CCL19: variants seen among roughly 807,000 people sequenced by gnomAD.
CCL19 encodes C-C motif chemokine 19.
A neutral mutation model predicts 9.7 loss-of-function variants in CCL19; 5 were observed. That is an observed-to-expected ratio of 0.51 (90% CI 0.27 to 1.08). The LOEUF (loss-of-function observed/expected upper bound fraction) is 1.08, where lower values mean the gene tolerates loss of function less well. Among genes scored for constraint, CCL19 ranks in the 50% least tolerant of loss-of-function variants. CCL19 has a pLI of 0.12. For missense variants in CCL19, 90 were observed against 122.5 expected, an observed-to-expected ratio of 0.73 and a Z score of 1.25; for synonymous variants, 40 against 47.4, an observed-to-expected ratio of 0.84 and a Z score of 0.64.
intron 1 of CCL19, among the ~76,000 whole-genome samples, 177 bp downstream of exon 1, chr9:34,690,914 A>G (rs1159531255): frequency 6.6e-6 from 1 of 152,154 alleles, no homozygotes; most frequent in Admixed American, 6.5e-5. Context: ...GCACAGGGAC[A>G]CCCACACTTA....
At position 34,690,322 on chromosome 9, in the gene CCL19, T is replaced by G; in HGVS notation, c.70A>C (p.Asn24His). Residue 24 changes from asparagine to histidine, a missense_variant, in exon 2 of 4, where the codon AAT (asparagine) becomes CAT (histidine). By Grantham distance (68) the Asn-to-His change is moderately conservative. Transcript: ENST00000311925. ...GACAGGCAGCAGTCTTCAGCATCATTGGTGCCACTCAGAGTTGGGGCTGGG... is the reference window on the plus strand; with the variant it reads ...GACAGGCAGCAGTCTTCAGCATCATGGGTGCCACTCAGAGTTGGGGCTGGG... The part of the protein sequence containing the change: ...TSPAPTLSGT[N>H]DAEDCCLSVT... 1 of 1,613,846 alleles carries G rather than the reference T, an allele frequency of 6.2e-7. No homozygotes were observed.
rs1564113010 is a variant in CCL19 at position 34,690,423 on chromosome 9, C to CGTGT, written c.50-82_50-81insACAC. ...ATGGCCCTAGCTCGGATTGAGGACA[C>CGTGT]CTGTGTGTGTGTGTGTGTGTGTGTG... is the stretch of plus-strand genomic sequence containing the variant. On this transcript the variant is annotated intron_variant, in intron 1 of 3. Coordinates refer to ENST00000311925, the MANE Select transcript of CCL19 (RefSeq NM_006274.3). 6.6e-6 allele frequency: 6 copies of CGTGT among 913,256 alleles called. No individual in the cohort carries two copies. The East Asian group carries it at 9.9e-5, about 15-fold the overall frequency. The allele number at this position is 913,256 out of a possible 1,614,324, so 56.6% of individuals were successfully genotyped here. A position where few individuals can be genotyped will look rare whatever the true frequency, so the allele number is the denominator to read the frequency against.
rs139388033 is a variant in CCL19 at position 34,689,980 on chromosome 9, G to C, written c.226C>G (p.Gln76Glu). The part of the protein sequence containing the change: ...RGRQLCAPPD[Q>E]PWVERIIQRL... ...TGGATGATGCGTTCTACCCAGGGCT[G>C]GTCTGGGGGTGCACAGAGCTGGCGG... The change falls in exon 3 of 4, where the codon CAG (glutamine) becomes GAG (glutamate). Residue 76 changes from glutamine (Q) to glutamate (E), a missense_variant. Gln to Glu is a conservative substitution (Grantham distance 29). Coordinates refer to ENST00000311925, the MANE Select transcript of CCL19 (RefSeq NM_006274.3). This position sits in a 1 kb window ranked among gnomAD's most constrained non-coding sequence, Gnocchi z 4.1. The C allele has an allele frequency of 4.3e-6, 7 of 1,614,144 alleles. No homozygotes were observed. The highest frequency in any genetic ancestry group is 5.9e-6 in the Non-Finnish European group (7 of 1,180,032).
At position 34,691,040 on chromosome 9, in the gene CCL19, C is replaced by T. The variant is rs376901219; in HGVS notation, c.49+51G>A. On this transcript the variant is annotated intron_variant, in intron 1 of 3. Coordinates refer to ENST00000311925, the MANE Select transcript of CCL19 (RefSeq NM_006274.3). The stretch of plus-strand genomic sequence containing the variant: ...AAGCAATCTGAGATCTAGACATTAC[C>T]CACTGCCAGCCCCCCACTGCCTCTG... 31 of 1,484,944 alleles carry T rather than the reference C, an allele frequency of 2.1e-5. No individual in the cohort carries two copies. The African/African-American group carries it at 3.5e-4, about 17-fold the overall frequency. The allele number at this position is 1,484,944 out of a possible 1,614,324, so 92.0% of individuals were successfully genotyped here.
At position 34,691,099 on chromosome 9, in the gene CCL19, G is replaced by A; in HGVS notation, c.41C>T (p.Thr14Ile). ...LLALSLLVLW[T>I]SPAPTLSGTN... ...TCTCCCTTCAGCCTTACCTGGGGAA[G>A]TCCAGAGAACCAGCAGGCTGAGGGC... The change falls in exon 1 of 4, where the codon ACT (threonine) becomes ATT (isoleucine). Residue 14 changes from threonine to isoleucine, a missense_variant. Physicochemically the swap from Thr to Ile is moderately conservative, Grantham distance 89. Coordinates refer to ENST00000311925, the MANE Select transcript of CCL19 (RefSeq NM_006274.3). The A allele has an allele frequency of 5.6e-6, 9 of 1,611,048 alleles. No individual in the cohort carries two copies. The highest frequency in any genetic ancestry group is 1.3e-5 in the African/African-American group (1 of 75,018).
Position 34,690,323 on chromosome 9 carries a change from G to A in CCL19, c.69C>T (p.Thr23=). The change falls in exon 2 of 4, where the codon ACC becomes ACT. Residue 23 remains threonine (T), a synonymous_variant. Transcript: ENST00000311925. ...WTSPAPTLSG[T]NDAEDCCLSV... is the part of the protein sequence containing the mutation. ...ACAGGCAGCAGTCTTCAGCATCATT[G>A]GTGCCACTCAGAGTTGGGGCTGGGA... is the stretch of plus-strand genomic sequence containing the variant. The A allele has an allele frequency of 6.2e-7, 1 of 1,613,946 alleles. No homozygotes were observed. Among genetic ancestry groups the A allele is most frequent in the Non-Finnish European group, 8.5e-7 (1 of 1,179,950 alleles).
In CCL19 at chr9:34,689,989, G is replaced by T. The variant is rs775171167; in HGVS notation, c.217C>A (p.Pro73Thr). 5 of 1,614,056 alleles carry T rather than the reference G, an allele frequency of 3.1e-6. No individual in the cohort carries two copies. The highest frequency in any genetic ancestry group is 2.2e-5 in the East Asian group (1 of 44,894). The change falls in exon 3 of 4, where the codon CCC becomes ACC. Residue 73 changes from proline (P) to threonine (T), a missense_variant. Transcript: ENST00000311925. The surrounding 1 kb of genome is among the most constrained non-coding windows in gnomAD (Gnocchi z 4.1). ...CGTTCTACCCAGGGCTGGTCTGGGG[G>T]TGCACAGAGCTGGCGGCCCCTCAGT... Reference protein sequence around the residue: ...TTLRGRQLCAPPDQPWVERII... With the variant: ...TTLRGRQLCATPDQPWVERII...
chr9:34,690,494 A>T, intron 1 of CCL19, 152 bp from the exon 2 acceptor site: 3 of 715,386 alleles, frequency 4.2e-6, no homozygotes, highest in Non-Finnish European at 7.0e-6. Context: ...GAGGAGTTAG[A>T]CCTGGTATTC....
At chr9:34,690,769 C>T (rs1166086704) in intron 1 of CCL19, among the ~76,000 whole-genome samples, 2 of 152,044 alleles carry the variant, frequency 1.3e-5, no homozygotes, top group Non-Finnish European at 2.9e-5. Flanking sequence ...GGCTTAGTGT[C>T]TGCCATTCTC....
chr9:34,690,587 C>G (rs1440471803), intron 1 of CCL19, among the ~76,000 whole-genome samples: 1 of 152,036 alleles, frequency 6.6e-6, no homozygotes, highest in African/African-American at 2.4e-5. Flanking sequence ...TAAATAACCA[C>G]TGCCCTGAGC....
rs1048945750 is a variant in CCL19, at chr9:34,689,618, G to T, written c.*201C>A. 3.4e-6 allele frequency: 2 copies of T among 596,692 alleles called. No individual in the cohort carries two copies. Among genetic ancestry groups the T allele is most frequent in the Non-Finnish European group, 5.9e-6 (2 of 336,798 alleles). The allele number at this position is 596,692 out of a possible 1,614,324, so 37.0% of individuals were successfully genotyped here. On this transcript the variant is annotated 3_prime_UTR_variant, in exon 4 of 4. Coordinates refer to ENST00000311925, the MANE Select transcript of CCL19 (RefSeq NM_006274.3). The surrounding 1 kb of genome is among the most constrained non-coding windows in gnomAD (Gnocchi z 4.1). ...TTATTGGTAGCATTGCAATCTGGGG[G>T]TGGAGCAGCTTTACTCTGACCACAC...
rs780461062 is a variant in CCL19, at chr9:34,689,787, C to T, written c.*32G>A. 15 of 1,613,622 alleles carry T rather than the reference C, an allele frequency of 9.3e-6. No homozygotes were observed. The South Asian group carries it at 9.9e-5, about 11-fold the overall frequency. On this transcript the variant is annotated 3_prime_UTR_variant, in exon 4 of 4. Transcript: ENST00000311925. This position sits in a 1 kb window ranked among gnomAD's most constrained non-coding sequence, Gnocchi z 4.1. ...AGGTAATAATTCACAATGCTTGACT[C>T]GGACTCCGGGCTCCCTCTGCACGGT...
At position 34,690,273 on chromosome 9, in the gene CCL19, C is replaced by T; in HGVS notation, c.119G>A (p.Gly40Glu). The T allele has an allele frequency of 6.2e-7, 1 of 1,614,070 alleles. No homozygotes were observed. Among genetic ancestry groups the T allele is most frequent in the Non-Finnish European group, 8.5e-7 (1 of 1,179,996 alleles). The change falls in exon 2 of 4, where the codon GGG becomes GAG. Residue 40 changes from glycine (G) to glutamate (E), a missense_variant. Coordinates refer to ENST00000311925, the MANE Select transcript of CCL19 (RefSeq NM_006274.3). ...CLSVTQKPIP[G>E]YIVRNFHYLL... ...GTAGTGGAAGTTCCTCACGATGTACCCAGGGATGGGTTTCTGGGTCACAGA... is the reference window on the plus strand; with the variant it reads ...GTAGTGGAAGTTCCTCACGATGTACTCAGGGATGGGTTTCTGGGTCACAGA...
Position 34,689,995 on chromosome 9 carries a change from A to G in CCL19, c.211T>C (p.Cys71Arg), listed in dbSNP as rs763672966. ...VFTTLRGRQL[C>R]APPDQPWVER... Reference sequence around the variant, plus strand: ...ACCCAGGGCTGGTCTGGGGGTGCACAGAGCTGGCGGCCCCTCAGTGTGGTG... The same window carrying G: ...ACCCAGGGCTGGTCTGGGGGTGCACGGAGCTGGCGGCCCCTCAGTGTGGTG... Residue 71 changes from cysteine (C) to arginine (R), a missense_variant, in exon 3 of 4, where the codon TGT becomes CGT. Physicochemically the swap from Cys to Arg is radical, Grantham distance 180. Transcript: ENST00000311925. This position sits in a 1 kb window ranked among gnomAD's most constrained non-coding sequence, Gnocchi z 4.1. The G allele has an allele frequency of 6.2e-7, 1 of 1,614,122 alleles. No individual in the cohort carries two copies. Among genetic ancestry groups the G allele is most frequent in the South Asian group, 1.1e-5 (1 of 91,090 alleles).
chr9:34,689,576 G>T lies in CCL19; in HGVS notation c.*243C>A. 2 of 518,374 alleles carry T rather than the reference G, an allele frequency of 3.9e-6. No homozygotes were observed. Among genetic ancestry groups the T allele is most frequent in the Non-Finnish European group, 6.9e-6 (2 of 291,340 alleles). The allele number at this position is 518,374 out of a possible 1,614,324, so 32.1% of individuals were successfully genotyped here. A position where few individuals can be genotyped will look rare whatever the true frequency, so the allele number is the denominator to read the frequency against. On this transcript the variant is annotated 3_prime_UTR_variant, in exon 4 of 4. Coordinates refer to ENST00000311925, the MANE Select transcript of CCL19 (RefSeq NM_006274.3). This position sits in a 1 kb window ranked among gnomAD's most constrained non-coding sequence, Gnocchi z 4.1. The stretch of plus-strand genomic sequence containing the variant: ...TGTAACAGGTTGTGATCAATTAGTT[G>T]TAAACACCAGGCGGCTTTATTGGTA...
intron 2 of CCL19, 79 bp downstream of exon 2, chr9:34,690,131 G>A: frequency 6.3e-7 from 1 of 1,592,668 alleles, no homozygotes; most frequent in Admixed American, 1.7e-5. Flanking sequence ...GCTTGGCATG[G>A]AGAAGGGGAA....
In CCL19 at chr9:34,689,810, G is replaced by C; in HGVS notation, c.*9C>G. 6.2e-7 allele frequency: 1 copy of C among 1,614,112 alleles called. No homozygotes were observed. Among genetic ancestry groups the C allele is most frequent in the South Asian group, 1.1e-5 (1 of 91,080 alleles). ...CTCGGACTCCGGGCTCCCTCTGCAC[G>C]GTCATAGGTTAACTGCTGCGGCGCT... On this transcript the variant is annotated 3_prime_UTR_variant, in exon 4 of 4. Transcript: ENST00000311925. This position sits in a 1 kb window ranked among gnomAD's most constrained non-coding sequence, Gnocchi z 4.1.
rs372012862 is a variant in CCL19 at position 34,690,063 on chromosome 9, A to C, written c.183-40T>G. The C allele has an allele frequency of 9.9e-5, 158 of 1,599,896 alleles. No individual in the cohort carries two copies. The African/African-American group carries it at 1.9e-3, about 19-fold the overall frequency. ...CGGAGAGAATGGAGCCCCAGAATCC[A>C]GCATGCCTGGGGACCATGTCTGGGA... is the stretch of plus-strand genomic sequence containing the variant. On this transcript the variant is annotated intron_variant, in intron 2 of 3. Transcript: ENST00000311925.
At position 34,691,218 on chromosome 9, in the gene CCL19, G is replaced by A. The variant is rs1821788750; in HGVS notation, c.-79C>T. On this transcript the variant is annotated 5_prime_UTR_variant, in exon 1 of 4. Coordinates refer to ENST00000311925, the MANE Select transcript of CCL19 (RefSeq NM_006274.3). ...GTGTGTGCAGGATCTGTGTGAGGCTGCAGGGCGACTGGGATGCAGGGGTGA... is the reference window on the plus strand; with the variant it reads ...GTGTGTGCAGGATCTGTGTGAGGCTACAGGGCGACTGGGATGCAGGGGTGA... 4.5e-6 allele frequency: 6 copies of A among 1,329,504 alleles called. No homozygotes were observed. Among genetic ancestry groups the A allele is most frequent in the African/African-American group, 2.9e-5 (2 of 69,304 alleles). The allele number at this position is 1,329,504 out of a possible 1,614,324, so 82.4% of individuals were successfully genotyped here.
Sources: allele counts gnomAD v4.1 joint callset (sites outside exome capture counted in the v4.1 genomes callset), GRCh38; gene constraint gnomAD v4.1.1; non-coding constraint Gnocchi (gnomAD v3.1); transcripts MANE v1.5; gene names NCBI Gene and HGNC (gene_info 2026-07-23, HGNC 2026-07-21).